The following SCML4 variants were observed in gnomAD, a reference collection of about 807,000 sequenced individuals.
The protein encoded by SCML4 is sex comb on midleg-like protein 4.
SCML4 carries 34 observed loss-of-function variants against 41.1 expected under a neutral mutation model. The observed-to-expected ratio is 0.83, with a 90% CI of 0.63 to 1.10. The LOEUF (loss-of-function observed/expected upper bound fraction) is 1.10. SCML4 is among the 50% of genes least tolerant of loss of function. The probability of loss-of-function intolerance (pLI) is 0.00; values close to 1 mark genes in which losing one functional copy is unlikely to be tolerated. For synonymous variants in SCML4, 214 were observed against 220.9 expected (o/e 0.97, Z 0.28); for missense variants, 522 against 534.1 (o/e 0.98, Z 0.22).
At chr6:107,797,184 T>C (rs563955630) in intron 1 of SCML4, among the ~76,000 whole-genome samples, 5 of 152,264 alleles carry the variant, frequency 3.3e-5, no homozygotes, top group Admixed American at 6.5e-5. Flanking sequence ...AAAAACCTGC[T>C]GGCATTTTCA....
At chr6:107,706,638 C>T (rs990599984) in intron 7 of SCML4, among the ~76,000 whole-genome samples, 3 of 152,166 alleles carry the variant, frequency 2.0e-5, no homozygotes, top group East Asian at 3.8e-4. Flanking sequence ...TGGGATTAAG[C>T]TTGCTAATCA....
At chr6:107,744,441 GC>G (rs1317700748) in intron 5 of SCML4, among the ~76,000 whole-genome samples, 1 of 152,154 alleles carries the variant, frequency 6.6e-6, no homozygotes, top group Non-Finnish European at 1.5e-5. Flanking sequence ...TTAATATATG[GC>G]CCCGTCAAAT....
At chr6:107,737,270 G>A (rs1184506199) in intron 5 of SCML4, among the ~76,000 whole-genome samples, 2 of 152,160 alleles carry the variant, frequency 1.3e-5, no homozygotes, top group African/African-American at 2.4e-5. Flanking sequence ...TACCTTCTTC[G>A]GATTGGGGAA....
the SCML4 span, among the ~76,000 whole-genome samples, chr6:107,842,207 C>T: frequency 6.6e-6 from 1 of 152,132 alleles, no homozygotes; most frequent in African/African-American, 2.4e-5. Context: ...TGTTTAATTT[C>T]CAAATATTTG....
At chr6:107,825,853 C>T (rs1298341789), upstream of SCML4, among the ~76,000 whole-genome samples, 3 of 140,988 alleles carry the variant, frequency 2.1e-5, no homozygotes, top group African/African-American at 8.0e-5. Context: ...GGGAGAATGG[C>T]GTGAACCCGG....
At chr6:107,820,368 G>A (rs534910459) in intron 1 of SCML4, among the ~76,000 whole-genome samples, 112 of 152,274 alleles carry the variant, frequency 7.4e-4, no homozygotes, top group African/African-American at 2.4e-3. Context: ...GTGACCAGCC[G>A]CACTGGGAGG....
At chr6:107,773,955 C>A (rs574585767) in intron 1 of SCML4, among the ~76,000 whole-genome samples, 5 of 152,248 alleles carry the variant, frequency 3.3e-5, no homozygotes, top group African/African-American at 1.2e-4. Flanking sequence ...AGTGGAAGTT[C>A]TTAAAAACAT....
At chr6:107,741,648 C>T (rs1777608651) in intron 5 of SCML4, among the ~76,000 whole-genome samples, 1 of 152,260 alleles carries the variant, frequency 6.6e-6, no homozygotes, top group African/African-American at 2.4e-5. Context: ...CCCTAGCCAG[C>T]CTTCCCACAC....
intron 5 of SCML4, among the ~76,000 whole-genome samples, chr6:107,727,016 C>T (rs569522419): frequency 2.2e-4 from 34 of 152,170 alleles, no homozygotes; most frequent in Admixed American, 9.8e-4. Flanking sequence ...TGGCTATCAA[C>T]GAATGAATAA....
the SCML4 span, among the ~76,000 whole-genome samples, chr6:107,829,942 A>T: frequency 6.6e-6 from 1 of 152,188 alleles, no homozygotes; most frequent in South Asian, 2.1e-4. Flanking sequence ...CCCAGTGGCT[A>T]TAGGTTACAT....
At chr6:107,785,611 G>A (rs778750658) in intron 1 of SCML4, among the ~76,000 whole-genome samples, 17 of 152,304 alleles carry the variant, frequency 1.1e-4, no homozygotes, top group African/African-American at 2.9e-4. Context: ...GAGATCAGCC[G>A]TGGTCCAGCC....
At position 107,816,646 on chromosome 6, in the gene SCML4, C is replaced by T. The variant is rs992817799; in HGVS notation, c.-60+7480G>A. ...CTGTGCTGTCTGCCTCCTTCCAAGA[C>T]GTTAGCAGGGAATTTGGGCCTTGAC... On this transcript the variant is annotated intron_variant, in intron 1 of 7. Coordinates refer to ENST00000369020, the MANE Select transcript of SCML4 (RefSeq NM_198081.5). Among the ~76,000 whole-genome samples the T allele has an allele frequency of 5.3e-5, 8 of 152,310 alleles. No homozygotes were observed. The East Asian group carries it at 9.6e-4, about 18-fold the overall frequency.
Position 107,769,453 on chromosome 6 carries a change from A to G in SCML4, c.156+2719T>C, listed in dbSNP as rs372594054. 1.8e-4 allele frequency among the ~76,000 whole-genome samples: 27 copies of G among 152,280 alleles called. No homozygotes were observed. In the East Asian group the frequency reaches 2.7e-3, roughly 15 times the overall value. ...TGAAGGCAGGTCTTGGACCAGAGAGAGTTCCCACATATGCACAGAGGTGAT... is the reference window on the plus strand; with the variant it reads ...TGAAGGCAGGTCTTGGACCAGAGAGGGTTCCCACATATGCACAGAGGTGAT... On this transcript the variant is annotated intron_variant, in intron 2 of 7. Transcript: ENST00000369020.
At chr6:107,752,539 CA>C (rs1778779988) in intron 2 of SCML4, among the ~76,000 whole-genome samples, 1 of 151,828 alleles carries the variant, frequency 6.6e-6, no homozygotes, top group African/African-American at 2.4e-5. Context: ...AAGGAGCAAG[CA>C]AAAGAAATCA....
upstream of SCML4, among the ~76,000 whole-genome samples, chr6:107,825,936 C>CAAAAAAAAAAAA (rs71015515): frequency 1.6e-4 from 10 of 62,602 alleles, no homozygotes; most frequent in Admixed American, 4.7e-4. Flanking sequence ...GACTCCATCT[C>CAAAAAAAAAAAA]AAAAAAAAAA....
intron 5 of SCML4, chr6:107,732,429 C>T (rs890369908): frequency 3.4e-4 from 52 of 152,260 alleles, no homozygotes; most frequent in African/African-American, 1.2e-3. Flanking sequence ...TATGACTCCC[C>T]TCTGGTCCAT....
chr6:107,737,377 TC>T (rs1406793549), intron 5 of SCML4, among the ~76,000 whole-genome samples: 1 of 152,042 alleles, frequency 6.6e-6, no homozygotes, highest in Admixed American at 6.6e-5. Context: ...TTCACCCTCT[TC>T]CCCAGATATG....
intron 1 of SCML4, among the ~76,000 whole-genome samples, chr6:107,804,063 A>G (rs1234682369): frequency 1.3e-5 from 1 of 74,420 alleles, no homozygotes; most frequent in Non-Finnish European, 2.6e-5. Context: ...AAAAAAAAGA[A>G]AAAGAAAAAA....
At position 107,726,125 on chromosome 6, in the gene SCML4, AC is replaced by A. The variant is rs1415707701; in HGVS notation, c.683-5133del. 3.3e-5 allele frequency among the ~76,000 whole-genome samples: 5 copies of A among 151,720 alleles called. No individual in the cohort carries two copies. In the East Asian group the frequency reaches 9.7e-4, roughly 29 times the overall value. On this transcript the variant is annotated intron_variant, in intron 5 of 7. Transcript: ENST00000369020. ...CATCAAGAAAGTGAAAGGACAACTC[AC>A]AAATTGGGGGAAAATACCTGCAAAT...
Sources: allele counts gnomAD v4.1 joint callset (sites outside exome capture counted in the v4.1 genomes callset), GRCh38; gene constraint gnomAD v4.1.1; transcripts MANE v1.5; gene names NCBI Gene and HGNC (gene_info 2026-07-23, HGNC 2026-07-21).